RFTN1: variants seen among roughly 807,000 people sequenced by gnomAD.
RFTN1 encodes raftlin.
In RFTN1, 26 loss-of-function variants were observed where a neutral mutation model predicts 46.5. The observed-to-expected ratio is 0.56, with a 90% CI of 0.41 to 0.78. RFTN1 has a LOEUF of 0.78. Ranked by LOEUF, RFTN1 falls within the 30% of genes least tolerant of loss-of-function variation. The pLI, the probability that RFTN1 is intolerant of heterozygous loss-of-function variation, is 0.00. For missense variants in RFTN1, 693 were observed against 718.7 expected (o/e 0.96, Z 0.41); for synonymous variants, 261 against 284.2 (o/e 0.92, Z 0.82).
chr3:16,340,813 C>T (rs1373060085), intron 7 of RFTN1, among the ~76,000 whole-genome samples: 4 of 151,984 alleles, frequency 2.6e-5, no homozygotes, highest in African/African-American at 4.8e-5. Flanking sequence ...AATTTGTTTC[C>T]GTGGGATAAA....
chr3:16,430,441 G>T (rs1471159749), intron 3 of RFTN1, among the ~76,000 whole-genome samples: 1 of 152,012 alleles, frequency 6.6e-6, no homozygotes, highest in East Asian at 1.9e-4. Context: ...TTATTTTTAA[G>T]ATCGTTGGAG....
At chr3:16,339,208 A>G (rs2071135691) in intron 7 of RFTN1, 1 of 152,224 alleles carries the variant, frequency 6.6e-6, no homozygotes, top group African/African-American at 2.4e-5. Flanking sequence ...TGCTGGAGCA[A>G]TCACAGTTGG....
rs1030318096 is a variant in RFTN1 at position 16,320,336 on chromosome 3, G to A, written c.1332+3040C>T. 6.6e-6 allele frequency among the ~76,000 whole-genome samples: 1 copy of A among 152,194 alleles called. No homozygotes were observed. Among genetic ancestry groups the A allele is most frequent in the Non-Finnish European group, 1.5e-5 (1 of 68,036 alleles). On this transcript the variant is annotated intron_variant, in intron 9 of 9. Transcript: ENST00000334133. The surrounding 1 kb of genome is among the most constrained non-coding windows in gnomAD (Gnocchi z 4.5). ...CTATCCATGTTGCTGATTAAAAGAA[G>A]ACTAAATATGCCACATCCTCGGTGT...
chr3:16,480,837 T>C lies in RFTN1; in HGVS notation c.145+12888A>G, dbSNP rs1176122656. On this transcript the variant is annotated intron_variant, in intron 2 of 9. Transcript: ENST00000334133. This position sits in a 1 kb window ranked among gnomAD's most constrained non-coding sequence, Gnocchi z 4.3. Reference sequence around the variant, plus strand: ...CAAATTAGATAACAATTATTACCACTACCTCAAGGCTGCTTTTATGAATCC... The same window carrying C: ...CAAATTAGATAACAATTATTACCACCACCTCAAGGCTGCTTTTATGAATCC... 1.3e-5 allele frequency among the ~76,000 whole-genome samples: 2 copies of C among 152,230 alleles called. No individual in the cohort carries two copies. Among genetic ancestry groups the C allele is most frequent in the African/African-American group, 4.8e-5 (2 of 41,462 alleles).
chr3:16,334,022 G>A lies in RFTN1; in HGVS notation c.1147-7146C>T, dbSNP rs1003769714. Among the ~76,000 whole-genome samples the A allele has an allele frequency of 2.6e-4, 39 of 152,186 alleles. No individual in the cohort carries two copies. Among genetic ancestry groups the A allele is most frequent in the African/African-American group, 7.5e-4 (31 of 41,522 alleles). ...CTACTAAAAATTTAAAAAATTAGCC[G>A]GGCATGGTGGCGGGTGCCTGTAGTC... On this transcript the variant is annotated intron_variant, in intron 7 of 9. Coordinates refer to ENST00000334133, the MANE Select transcript of RFTN1 (RefSeq NM_015150.2). The surrounding 1 kb of genome is among the most constrained non-coding windows in gnomAD (Gnocchi z 4.3).
At chr3:16,436,645 G>A (rs369656112) in intron 2 of RFTN1, among the ~76,000 whole-genome samples, 1 of 152,068 alleles carries the variant, frequency 6.6e-6, no homozygotes, top group East Asian at 1.9e-4. Context: ...CATGTAAAGT[G>A]TGCAATATGA....
In RFTN1 at chr3:16,475,445, G is replaced by C. The variant is rs2076265070; in HGVS notation, c.145+18280C>G. 6.6e-6 allele frequency among the ~76,000 whole-genome samples: 1 copy of C among 152,180 alleles called. No individual in the cohort carries two copies. The highest frequency in any genetic ancestry group is 1.5e-5 in the Non-Finnish European group (1 of 68,034). On this transcript the variant is annotated intron_variant, in intron 2 of 9. Transcript: ENST00000334133. This position sits in a 1 kb window ranked among gnomAD's most constrained non-coding sequence, Gnocchi z 4.2. ...ATGGTTTTACTGAACTAGAAGTTGA[G>C]ATTGCCCCTTGGCTATTTTAGACTA...
rs752511420 is a variant in RFTN1 at position 16,370,166 on chromosome 3, A to G, written c.940T>C (p.Leu314=). 6.2e-7 allele frequency: 1 copy of G among 1,614,206 alleles called. No individual in the cohort carries two copies. Among genetic ancestry groups the G allele is most frequent in the Admixed American group, 1.7e-5 (1 of 60,022 alleles). The change falls in exon 6 of 10, where the codon TTG becomes CTG. Residue 314 remains leucine, a synonymous_variant. Transcript: ENST00000334133. The surrounding 1 kb of genome is among the most constrained non-coding windows in gnomAD (Gnocchi z 5.5). ...ATGTGCTCTAACCAGTTGGCGTCCA[A>G]ACCGCTCACTGTCTGGCCATTCTTG... ...VSKNGQTVSG[L]DANWLEHMSD... is the part of the protein sequence containing the mutation.
rs932038753 is a variant in RFTN1, at chr3:16,396,535, T to G, written c.441+12840A>C. ...AAAGACACTAGAAGAATGGCAGAAG[T>G]GCCGAGCACGTCTTTCTAGAGTGAA... On this transcript the variant is annotated intron_variant, in intron 4 of 9. Coordinates refer to ENST00000334133, the MANE Select transcript of RFTN1 (RefSeq NM_015150.2). Among the ~76,000 whole-genome samples the G allele has an allele frequency of 1.4e-4, 21 of 152,328 alleles. No homozygotes were observed. In the South Asian group the frequency reaches 3.7e-3, roughly 27 times the overall value.
At position 16,465,404 on chromosome 3, in the gene RFTN1, T is replaced by C. The variant is rs1345927153; in HGVS notation, c.145+28321A>G. Among the ~76,000 whole-genome samples, 1 of 146,548 alleles carries C rather than the reference T, an allele frequency of 6.8e-6. No homozygotes were observed. Among genetic ancestry groups the C allele is most frequent in the Non-Finnish European group, 1.5e-5 (1 of 67,002 alleles). ...AGGAAAAAAATATCCCCAACAGAGGTTGGCAGCTCAGAGGGACACACACAC... is the reference window on the plus strand; with the variant it reads ...AGGAAAAAAATATCCCCAACAGAGGCTGGCAGCTCAGAGGGACACACACAC... On this transcript the variant is annotated intron_variant, in intron 2 of 9. Coordinates refer to ENST00000334133, the MANE Select transcript of RFTN1 (RefSeq NM_015150.2). The surrounding 1 kb of genome is among the most constrained non-coding windows in gnomAD (Gnocchi z 5.1).
At chr3:16,389,496 G>A (rs202028868) in intron 4 of RFTN1, among the ~76,000 whole-genome samples, 3 of 6,816 alleles carry the variant, frequency 4.4e-4, no homozygotes, top group Admixed American at 1.1e-3. Context: ...GTTTTTTTTC[G>A]GGGGGGAGGG....
At chr3:16,497,323 G>T (rs1446809068) in intron 1 of RFTN1, among the ~76,000 whole-genome samples, 3 of 152,220 alleles carry the variant, frequency 2.0e-5, no homozygotes, top group African/African-American at 7.2e-5. Flanking sequence ...TCTACGTACT[G>T]GGTCTCAATT....
chr3:16,454,288 C>A (rs1381547115), intron 2 of RFTN1, among the ~76,000 whole-genome samples: 1 of 152,212 alleles, frequency 6.6e-6, no homozygotes, highest in Non-Finnish European at 1.5e-5. Context: ...CACAGTCCAT[C>A]TATGGAGTGA....
chr3:16,434,059 C>T (rs2075448710), intron 2 of RFTN1, 22 bp from the exon 3 acceptor site: 1 of 1,552,568 alleles, frequency 6.4e-7, no homozygotes, highest in Non-Finnish European at 8.7e-7. Flanking sequence ...AGAGGAGAGG[C>T]TCATCAAAGA....
At chr3:16,456,327 C>T (rs561655815) in intron 2 of RFTN1, among the ~76,000 whole-genome samples, 3 of 152,198 alleles carry the variant, frequency 2.0e-5, no homozygotes, top group South Asian at 4.2e-4. Context: ...ACCCCATCTT[C>T]GGAGATCTGT....
At chr3:16,469,602 C>T (rs1398568253) in intron 2 of RFTN1, among the ~76,000 whole-genome samples, 1 of 152,124 alleles carries the variant, frequency 6.6e-6, no homozygotes, top group East Asian at 1.9e-4. Flanking sequence ...CACTGGGGAG[C>T]ATGGTAGGGC....
intron 1 of RFTN1, among the ~76,000 whole-genome samples, chr3:16,505,041 A>G (rs1418365816): frequency 6.6e-6 from 1 of 151,990 alleles, no homozygotes; most frequent in South Asian, 2.1e-4. Context: ...CCTCCACTTT[A>G]TTCTCCAAAC....
intron 2 of RFTN1, among the ~76,000 whole-genome samples, chr3:16,467,472 C>T (rs934681354): frequency 6.6e-6 from 1 of 152,240 alleles, no homozygotes; most frequent in Non-Finnish European, 1.5e-5. Flanking sequence ...GCCCGCCACT[C>T]ATCCTCATCT....
chr3:16,437,934 A>T (rs78150983), intron 2 of RFTN1, among the ~76,000 whole-genome samples: 5,084 of 152,256 alleles, frequency 0.033, 127 homozygotes, highest in Middle Eastern at 0.065. Context: ...TGGCGGAGAC[A>T]GTTTGTTTTA....
Sources: allele counts gnomAD v4.1 joint callset (sites outside exome capture counted in the v4.1 genomes callset), GRCh38; gene constraint gnomAD v4.1.1; non-coding constraint Gnocchi (gnomAD v3.1); transcripts MANE v1.5; gene names NCBI Gene and HGNC (gene_info 2026-07-23, HGNC 2026-07-21).